The following RANBP9 variants were observed in gnomAD, a reference collection of about 807,000 sequenced individuals.
RANBP9 encodes the protein ran-binding protein 9.
In RANBP9, 15 loss-of-function variants were observed where a neutral mutation model predicts 84.3. That is an observed-to-expected ratio of 0.18 (90% CI 0.12 to 0.27). RANBP9 has a LOEUF of 0.27. Ranked by LOEUF, RANBP9 falls within the 10% of genes least tolerant of loss-of-function variation. The pLI is 1.00. For missense variants in RANBP9, 809 were observed against 912.8 expected, an observed-to-expected ratio of 0.89 and a Z score of 1.46; for synonymous variants, 392 against 349.6, an observed-to-expected ratio of 1.12 and a Z score of -1.35.
At chr6:13,677,743 A>G (rs950898601) in intron 2 of RANBP9, among the ~76,000 whole-genome samples, 1 of 152,162 alleles carries the variant, frequency 6.6e-6, no homozygotes, top group African/African-American at 2.4e-5. Context: ...CAACCATCAT[A>G]AGTGAAATAA....
At chr6:13,695,964 T>C (rs1766434378) in intron 2 of RANBP9, among the ~76,000 whole-genome samples, 1 of 151,234 alleles carries the variant, frequency 6.6e-6, no homozygotes, top group African/African-American at 2.5e-5. Flanking sequence ...AAGCTTTGTC[T>C]TGGTAACTCA....
chr6:13,711,586 C>T lies in RANBP9; in HGVS notation c.-81G>A. The T allele has an allele frequency of 1.7e-6, 2 of 1,196,554 alleles. No individual in the cohort carries two copies. Among genetic ancestry groups the T allele is most frequent in the East Asian group, 3.4e-5 (1 of 29,104 alleles). The allele number at this position is 1,196,554 out of a possible 1,614,324, so 74.1% of individuals were successfully genotyped here. A position where few individuals can be genotyped will look rare whatever the true frequency, so the allele number is the denominator to read the frequency against. ...CTTCCCGGGGGCGCTGTCGCTGCGG[C>T]CGCCGGCACCAGGCGCCCAGTCCGC... On this transcript the variant is annotated 5_prime_UTR_variant, in exon 1 of 14. Coordinates refer to ENST00000011619, the MANE Select transcript of RANBP9 (RefSeq NM_005493.3).
intron 2 of RANBP9, among the ~76,000 whole-genome samples, chr6:13,695,512 G>A (rs372030519): frequency 1.3e-5 from 2 of 150,142 alleles, no homozygotes; most frequent in Non-Finnish European, 2.9e-5. Flanking sequence ...TCTGGAGCTC[G>A]AGGGAATAAG....
chr6:13,711,402 A>G lies in RANBP9; in HGVS notation c.104T>C (p.Leu35Pro), dbSNP rs2113380056. The G allele has an allele frequency of 1.7e-6, 2 of 1,181,704 alleles. No individual in the cohort carries two copies. Among genetic ancestry groups the G allele is most frequent in the East Asian group, 7.3e-5 (2 of 27,314 alleles). The allele number at this position is 1,181,704 out of a possible 1,614,324, so 73.2% of individuals were successfully genotyped here. A position where few individuals can be genotyped will look rare whatever the true frequency, so the allele number is the denominator to read the frequency against. Residue 35 changes from leucine to proline, a missense_variant, in exon 1 of 14, where the codon CTG becomes CCG. Around this residue, in one of 5 missense-constraint regions of RANBP9, gnomAD observed 302 missense variants for 240.1 expected, o/e 1.26. Transcript: ENST00000011619. ...GGCGCTGACGGCCGGGGGCGCCGGC[A>G]GGACGACTCCGGAGACTGGGGCCAA... The part of the protein sequence containing the change: ...AALAPVSGVV[L>P]PAPPAVSAGS...
intron 2 of RANBP9, among the ~76,000 whole-genome samples, chr6:13,694,215 C>G (rs1367278467): frequency 6.6e-6 from 1 of 152,174 alleles, no homozygotes; most frequent in Non-Finnish European, 1.5e-5. Context: ...ACACAAAAAC[C>G]TGTATATACA....
rs60014827 is a variant in RANBP9, at chr6:13,707,760, A to G, written c.571+3175T>C. Among the ~76,000 whole-genome samples the G allele has an allele frequency of 5.3e-3, 806 of 152,386 alleles. 4 individuals are homozygous for G. The highest frequency in any genetic ancestry group is 0.018 in the African/African-American group (768 of 41,584). ...AAATATCCAAATAGTGGTAATAACT[A>G]GAAAAATATAAAAATGCAATCTGTT... is the stretch of plus-strand genomic sequence containing the variant. On this transcript the variant is annotated intron_variant, in intron 1 of 13. Transcript: ENST00000011619.
intron 2 of RANBP9, among the ~76,000 whole-genome samples, chr6:13,660,277 AGCAG>A (rs1765510188): frequency 6.6e-6 from 1 of 152,182 alleles, no homozygotes; most frequent in Non-Finnish European, 1.5e-5. Flanking sequence ...CAGAGACTGA[AGCAG>A]GAGGATCTTT....
At chr6:13,678,499 C>A (rs898536519) in intron 2 of RANBP9, among the ~76,000 whole-genome samples, 7 of 152,202 alleles carry the variant, frequency 4.6e-5, no homozygotes, top group African/African-American at 1.7e-4. Context: ...GAGTCTACAG[C>A]CAAATCCACC....
chr6:13,690,898 G>A lies in RANBP9; in HGVS notation c.683+5887C>T, dbSNP rs1384481225. Among the ~76,000 whole-genome samples the A allele has an allele frequency of 2.6e-5, 4 of 152,094 alleles. No homozygotes were observed. The East Asian group carries it at 7.7e-4, about 29-fold the overall frequency. On this transcript the variant is annotated intron_variant, in intron 2 of 13. Transcript: ENST00000011619. ...AAGTTATGCAGGGCCAGGCATGGTG[G>A]CTCACGTCTGTAATCCCAACACTTT...
In RANBP9 at chr6:13,639,438, A is replaced by G. The variant is rs1765012118; in HGVS notation, c.1525+125T>C. 4 of 1,078,646 alleles carry G rather than the reference A, an allele frequency of 3.7e-6. No homozygotes were observed. The South Asian group carries it at 5.0e-5, about 13-fold the overall frequency. The allele number at this position is 1,078,646 out of a possible 1,614,324, so 66.8% of individuals were successfully genotyped here. A position where few individuals can be genotyped will look rare whatever the true frequency, so the allele number is the denominator to read the frequency against. On this transcript the variant is annotated intron_variant, in intron 9 of 13. Coordinates refer to ENST00000011619, the MANE Select transcript of RANBP9 (RefSeq NM_005493.3). Reference sequence around the variant, plus strand: ...CGTGATCCGCCCACCCTGGCCTCCCAAAGTGCTGGGATTACAAGCGTGAGC... The same window carrying G: ...CGTGATCCGCCCACCCTGGCCTCCCGAAGTGCTGGGATTACAAGCGTGAGC...
rs554629254 is a variant in RANBP9 at position 13,663,788 on chromosome 6, G to A, written c.684-4956C>T. ...CCAATCAATGTATTTTTCTATACTA[G>A]GGGAAAATTCCTATCATGAAATAGC... On this transcript the variant is annotated intron_variant, in intron 2 of 13. Transcript: ENST00000011619. Among the ~76,000 whole-genome samples, 31 of 152,104 alleles carry A rather than the reference G, an allele frequency of 2.0e-4. No homozygotes were observed. The East Asian group carries it at 5.2e-3, about 26-fold the overall frequency.
chr6:13,701,470 T>G (rs764766804), intron 1 of RANBP9, among the ~76,000 whole-genome samples: 2 of 152,112 alleles, frequency 1.3e-5, no homozygotes, highest in Non-Finnish European at 1.5e-5. Flanking sequence ...ACCTCACCTC[T>G]TATCAAGAAA....
chr6:13,701,127 G>A (rs182301371), intron 1 of RANBP9, among the ~76,000 whole-genome samples: 1 of 152,042 alleles, frequency 6.6e-6, no homozygotes, highest in South Asian at 2.1e-4. Context: ...TCCAGGACAG[G>A]CTACATGGTA....
intron 2 of RANBP9, among the ~76,000 whole-genome samples, chr6:13,665,964 T>G (rs1562310721): frequency 6.6e-6 from 1 of 152,140 alleles, no homozygotes; most frequent in East Asian, 1.9e-4. Context: ...TCTGAAAGGG[T>G]GGCTCAAGGG....
At chr6:13,695,098 A>C (rs1766410744) in intron 2 of RANBP9, among the ~76,000 whole-genome samples, 1 of 152,218 alleles carries the variant, frequency 6.6e-6, no homozygotes, top group Admixed American at 6.5e-5. Context: ...AAAATGACCC[A>C]AGAGCTAGTC....
chr6:13,690,642 T>C (rs1300760368), intron 2 of RANBP9, among the ~76,000 whole-genome samples: 1 of 152,210 alleles, frequency 6.6e-6, no homozygotes, highest in Non-Finnish European at 1.5e-5. Context: ...ATACCATTCA[T>C]AATAAATTAT....
chr6:13,701,770 C>CAA (rs942062687), intron 1 of RANBP9, among the ~76,000 whole-genome samples: 9 of 134,258 alleles, frequency 6.7e-5, no homozygotes, highest in Admixed American at 5.3e-4. Context: ...GGCTCCATCT[C>CAA]AAAAAAAAAA....
At chr6:13,697,635 C>G (rs1371653715) in intron 1 of RANBP9, among the ~76,000 whole-genome samples, 2 of 152,200 alleles carry the variant, frequency 1.3e-5, no homozygotes, top group Non-Finnish European at 2.9e-5. Context: ...TTGCTAAACT[C>G]ACAATCACTT....
At chr6:13,651,794 CAGAGTA>C (rs937871636) in intron 5 of RANBP9, among the ~76,000 whole-genome samples, 2 of 152,098 alleles carry the variant, frequency 1.3e-5, no homozygotes, top group East Asian at 1.9e-4. Context: ...GTATTTCACT[CAGAGTA>C]AATTTCCAAG....
Sources: gnomAD v4.1 joint callset for allele counts (sites outside exome capture counted in the v4.1 genomes callset) on GRCh38, gnomAD v4.1.1 for gene constraint, gnomAD v4.1.1 regional missense constraint, MANE v1.5 for transcripts, NCBI Gene and HGNC (gene_info 2026-07-23, HGNC 2026-07-21) for gene names.